Variants in RALYL observed in about 807,000 individuals in gnomAD.
The protein encoded by RALYL is RNA-binding Raly-like protein.
RALYL carries 29 observed loss-of-function variants against 35.1 expected under a neutral mutation model. The ratio of observed to expected loss-of-function variants is 0.83; its 90% confidence interval spans 0.61 to 1.13. The LOEUF is 1.13. RALYL is among the 50% of genes most tolerant of loss of function. The pLI is 0.00. For missense variants in RALYL, 359 were observed against 360.4 expected (o/e 1.00, Z 0.03); for synonymous variants, 120 against 127.6 (o/e 0.94, Z 0.40).
intron 1 of RALYL, among the ~76,000 whole-genome samples, chr8:84,431,313 A>G (rs1256148387): frequency 5.3e-5 from 8 of 152,126 alleles, no homozygotes; most frequent in Non-Finnish European, 2.9e-5. Context: ...CACTTGGCCA[A>G]TATACTATAC....
At chr8:84,709,444 A>G (rs1200477876) in intron 2 of RALYL, among the ~76,000 whole-genome samples, 1 of 152,152 alleles carries the variant, frequency 6.6e-6, no homozygotes, top group African/African-American at 2.4e-5. Context: ...ATATATACAT[A>G]AACATATACA....
intron 1 of RALYL, among the ~76,000 whole-genome samples, chr8:84,366,964 T>C (rs948377829): frequency 6.6e-6 from 1 of 151,730 alleles, no homozygotes; most frequent in African/African-American, 2.4e-5. Context: ...TGACCTAACA[T>C]ACTAATATCT....
At chr8:84,572,223 GTTTGTTTTTTGTT>G (rs1808180798) in intron 2 of RALYL, among the ~76,000 whole-genome samples, 1 of 143,106 alleles carries the variant, frequency 7.0e-6, no homozygotes, top group Non-Finnish European at 1.6e-5. Flanking sequence ...TGTTTTTGTT[GTTTGTTTTTTGTT>G]TTTGTTTTTT....
chr8:84,815,802 C>A (rs563345818), intron 4 of RALYL, among the ~76,000 whole-genome samples: 1 of 151,550 alleles, frequency 6.6e-6, no homozygotes, highest in South Asian at 2.1e-4. Context: ...TTTGGGAGGC[C>A]GAGCAGGCAG....
At chr8:84,267,048 C>T (rs112516104) in intron 1 of RALYL, among the ~76,000 whole-genome samples, 1 of 151,436 alleles carries the variant, frequency 6.6e-6, no homozygotes, top group Non-Finnish European at 1.5e-5. Context: ...ACTGAGAGAG[C>T]GTATAAACAT....
chr8:84,567,458 C>T (rs2061860808), intron 2 of RALYL, among the ~76,000 whole-genome samples: 1 of 151,700 alleles, frequency 6.6e-6, no homozygotes, highest in Admixed American at 6.6e-5. Context: ...TGAAAACATG[C>T]AGTATTTGAT....
intron 4 of RALYL, 144 bp from the exon 5 acceptor site, chr8:84,849,836 C>A: frequency 2.0e-6 from 1 of 502,864 alleles, no homozygotes; most frequent in Non-Finnish European, 3.5e-6. Context: ...TGGACATTAT[C>A]TTGGAAGGTC....
At chr8:84,422,436 T>C (rs2045756141) in intron 1 of RALYL, among the ~76,000 whole-genome samples, 1 of 132,684 alleles carries the variant, frequency 7.5e-6, no homozygotes, top group African/African-American at 3.1e-5. Context: ...GATTCTTCTC[T>C]CTTTTTTTCT....
chr8:84,277,117 C>T (rs1379796406), intron 1 of RALYL, among the ~76,000 whole-genome samples: 1 of 152,094 alleles, frequency 6.6e-6, no homozygotes, highest in Non-Finnish European at 1.5e-5. Context: ...AGTCTGTTCT[C>T]ATGCTGATAA....
At chr8:84,390,036 GAC>G (rs1351540589) in intron 1 of RALYL, among the ~76,000 whole-genome samples, 2 of 152,088 alleles carry the variant, frequency 1.3e-5, no homozygotes, top group Non-Finnish European at 2.9e-5. Context: ...CTCATTTATT[GAC>G]AGTTTTTTGC....
intron 2 of RALYL, among the ~76,000 whole-genome samples, chr8:84,726,182 C>A (rs1844911018): frequency 1.3e-5 from 2 of 148,382 alleles, no homozygotes; most frequent in Admixed American, 1.4e-4. Context: ...TGTAACTAAT[C>A]TAGATCACAC....
At chr8:84,692,683 G>T (rs931568633) in intron 2 of RALYL, among the ~76,000 whole-genome samples, 2 of 152,040 alleles carry the variant, frequency 1.3e-5, no homozygotes, top group African/African-American at 4.8e-5. Context: ...TGCAAAGTAT[G>T]TAGCATTATT....
chr8:84,365,517 T>C (rs534533199), intron 1 of RALYL, among the ~76,000 whole-genome samples: 1 of 152,156 alleles, frequency 6.6e-6, no homozygotes. Flanking sequence ...AATAAAAGGA[T>C]AAAAATGAAC....
At chr8:84,531,104 A>G (rs2059250313) in intron 2 of RALYL, among the ~76,000 whole-genome samples, 1 of 152,162 alleles carries the variant, frequency 6.6e-6, no homozygotes, top group Non-Finnish European at 1.5e-5. Context: ...CATAGCACCT[A>G]TCAGAATCTG....
intron 1 of RALYL, among the ~76,000 whole-genome samples, chr8:84,253,347 G>A (rs1370075391): frequency 4.7e-5 from 7 of 149,466 alleles, no homozygotes; most frequent in East Asian, 2.0e-4. Context: ...GTGCCACCAC[G>A]CCAGGCTAAT....
Position 84,228,353 on chromosome 8 carries a change from G to T in RALYL, c.-24+43929G>T, listed in dbSNP as rs150153098. On this transcript the variant is annotated intron_variant, in intron 1 of 8. Transcript: ENST00000521268. ...GAGCACATACAAAATTACTACCATA[G>T]AAGAATTTTGATGGCACTTTTAATT... Among the ~76,000 whole-genome samples, 74 of 152,144 alleles carry T rather than the reference G, an allele frequency of 4.9e-4. No homozygotes were observed. The East Asian group carries it at 0.014, about 28-fold the overall frequency.
At chr8:84,371,859 C>G (rs1855794219) in intron 1 of RALYL, among the ~76,000 whole-genome samples, 1 of 152,008 alleles carries the variant, frequency 6.6e-6, no homozygotes, top group Non-Finnish European at 1.5e-5. Context: ...AGAGACAGCA[C>G]TGATGATTTC....
chr8:84,604,100 A>G (rs1816587978), intron 2 of RALYL, among the ~76,000 whole-genome samples: 1 of 152,090 alleles, frequency 6.6e-6, no homozygotes, highest in African/African-American at 2.4e-5. Flanking sequence ...CTTACCAATT[A>G]AAAATGAATG....
intron 1 of RALYL, among the ~76,000 whole-genome samples, chr8:84,358,963 A>G (rs1003028313): frequency 2.6e-5 from 4 of 152,094 alleles, no homozygotes; most frequent in Admixed American, 2.6e-4. Context: ...GTGATGAAGA[A>G]CTAGATGATT....
Sources: gnomAD v4.1 joint callset for allele counts (sites outside exome capture counted in the v4.1 genomes callset) on GRCh38, gnomAD v4.1.1 for gene constraint, MANE v1.5 for transcripts, NCBI Gene and HGNC (gene_info 2026-07-23, HGNC 2026-07-21) for gene names.